Variants in EYA4 observed in about 807,000 individuals in gnomAD.
EYA4 encodes the protein EYA transcriptional coactivator and phosphatase 4.
A neutral mutation model predicts 87.9 loss-of-function variants in EYA4; 31 were observed. The ratio of observed to expected loss-of-function variants is 0.35; its 90% CI spans 0.27 to 0.48. The LOEUF is 0.48. Ranked by LOEUF, EYA4 falls within the 20% of genes least tolerant of loss-of-function variation. The probability of loss-of-function intolerance (pLI) is 0.99; values close to 1 mark genes in which losing one functional copy is unlikely to be tolerated. For missense variants in EYA4, 678 were observed against 761.4 expected (o/e 0.89, Z 1.29); for synonymous variants, 263 against 270.6 (o/e 0.97, Z 0.28).
intron 13 of EYA4, among the ~76,000 whole-genome samples, chr6:133,496,753 C>T (rs1010182825): frequency 8.5e-5 from 13 of 152,118 alleles, no homozygotes; most frequent in Non-Finnish European, 1.5e-4. Context: ...TGACACTACA[C>T]GGTGAAAACT....
At chr6:133,341,557 A>G (rs1198161952) in intron 2 of EYA4, among the ~76,000 whole-genome samples, 1 of 152,236 alleles carries the variant, frequency 6.6e-6, no homozygotes, top group African/African-American at 2.4e-5. Flanking sequence ...GGACTTCCAA[A>G]TAAGAATAGC....
intron 1 of EYA4, among the ~76,000 whole-genome samples, chr6:133,271,407 T>C (rs1776676386): frequency 6.6e-6 from 1 of 152,130 alleles, no homozygotes; most frequent in Non-Finnish European, 1.5e-5. Context: ...GGCAATGCTG[T>C]GTGGAATACC....
At chr6:133,519,778 A>G (rs1799947343) in intron 17 of EYA4, among the ~76,000 whole-genome samples, 3 of 151,210 alleles carry the variant, frequency 2.0e-5, no homozygotes, top group Admixed American at 2.0e-4. Context: ...CCAGCAGCAC[A>G]TCAAAAAGCT....
At chr6:133,255,006 G>A (rs921652638) in intron 1 of EYA4, among the ~76,000 whole-genome samples, 1 of 152,166 alleles carries the variant, frequency 6.6e-6, no homozygotes, top group Non-Finnish European at 1.5e-5. Flanking sequence ...TGTGACTTTG[G>A]TCATGTAATT....
chr6:133,304,425 T>C (rs1258330012), intron 2 of EYA4, among the ~76,000 whole-genome samples: 2 of 152,120 alleles, frequency 1.3e-5, no homozygotes, highest in Non-Finnish European at 2.9e-5. Flanking sequence ...GAAATATGCA[T>C]ATAGGCAAGC....
chr6:133,486,854 T>A lies in EYA4; in HGVS notation c.1191+3739T>A, dbSNP rs557154845. Among the ~76,000 whole-genome samples the A allele has an allele frequency of 2.0e-5, 3 of 152,290 alleles. No homozygotes were observed. In the South Asian group the frequency reaches 6.2e-4, roughly 32 times the overall value. On this transcript the variant is annotated intron_variant, in intron 13 of 19. Transcript: ENST00000355286. ...TTGGCAAAATAGAAACCTCCACTGA[T>A]TGTCCTCCCTGCAGCAACACCAAAT...
Position 133,529,465 on chromosome 6 carries a change from G to T in EYA4, c.*660G>T. The stretch of plus-strand genomic sequence containing the variant: ...TCATACTGATGTGTTGTGCCTTAAA[G>T]ACAAGACAGCATTTGTGTGTTACAA... On this transcript the variant is annotated 3_prime_UTR_variant, in exon 20 of 20. Coordinates refer to ENST00000355286, the MANE Select transcript of EYA4 (RefSeq NM_004100.5). 1 of 982,380 alleles carries T rather than the reference G, an allele frequency of 1.0e-6. No homozygotes were observed. Among genetic ancestry groups the T allele is most frequent in the Non-Finnish European group, 1.2e-6 (1 of 829,804 alleles). The allele number at this position is 982,380 out of a possible 1,614,324, so 60.9% of individuals were successfully genotyped here.
At chr6:133,269,168 A>G (rs1351410573) in intron 1 of EYA4, among the ~76,000 whole-genome samples, 2 of 152,188 alleles carry the variant, frequency 1.3e-5, no homozygotes, top group South Asian at 2.1e-4. Flanking sequence ...CTGAGTCACA[A>G]CAGTCACTTG....
intron 11 of EYA4, among the ~76,000 whole-genome samples, chr6:133,475,498 C>T (rs1288736354): frequency 6.6e-6 from 1 of 152,042 alleles, no homozygotes; most frequent in East Asian, 1.9e-4. Context: ...AAGATCATTT[C>T]ACTCTCTGAA....
Position 133,315,216 on chromosome 6 carries a change from G to C in EYA4, c.33+40403G>C, listed in dbSNP as rs1780533130. Among the ~76,000 whole-genome samples, 3 of 152,226 alleles carry C rather than the reference G, an allele frequency of 2.0e-5. No individual in the cohort carries two copies. The South Asian group carries it at 6.2e-4, about 32-fold the overall frequency. ...CACTCTTGGCCTGCACAGCTGTGTAGTCAGGGGAGGCTGCAGATATTATTC... is the reference window on the plus strand; with the variant it reads ...CACTCTTGGCCTGCACAGCTGTGTACTCAGGGGAGGCTGCAGATATTATTC... On this transcript the variant is annotated intron_variant, in intron 2 of 19. Transcript: ENST00000355286.
At chr6:133,357,964 C>G (rs1424104513) in intron 2 of EYA4, among the ~76,000 whole-genome samples, 1 of 151,802 alleles carries the variant, frequency 6.6e-6, no homozygotes, top group Non-Finnish European at 1.5e-5. Flanking sequence ...TTATCTATAT[C>G]TGTTTAGGCC....
At chr6:133,311,440 C>G (rs1237267327) in intron 2 of EYA4, among the ~76,000 whole-genome samples, 1 of 152,116 alleles carries the variant, frequency 6.6e-6, no homozygotes, top group Admixed American at 6.6e-5. Flanking sequence ...ATCCTCCCAC[C>G]TCAGCCTCCC....
intron 3 of EYA4, among the ~76,000 whole-genome samples, chr6:133,388,930 C>T (rs965347422): frequency 6.6e-6 from 1 of 152,118 alleles, no homozygotes; most frequent in African/African-American, 2.4e-5. Context: ...CATGCTCCGC[C>T]CACGTCCTTC....
chr6:133,490,411 C>T (rs547433668), intron 13 of EYA4, among the ~76,000 whole-genome samples: 8 of 146,122 alleles, frequency 5.5e-5, no homozygotes, highest in South Asian at 2.2e-4. Flanking sequence ...AACAAAAAAC[C>T]GTGACCCAGC....
chr6:133,363,393 C>G (rs1157053893), intron 2 of EYA4: 1 of 152,184 alleles, frequency 6.6e-6, no homozygotes, highest in Non-Finnish European at 1.5e-5. Flanking sequence ...GGACTCACAG[C>G]TCTGACGTTG....
intron 2 of EYA4, among the ~76,000 whole-genome samples, chr6:133,291,655 G>T (rs957232570): frequency 2.0e-5 from 3 of 152,136 alleles, no homozygotes; most frequent in African/African-American, 4.8e-5. Context: ...TCAGTTTTAG[G>T]AGCGTTTTCA....
chr6:133,403,790 C>T (rs946165874), intron 3 of EYA4, among the ~76,000 whole-genome samples: 22 of 152,010 alleles, frequency 1.4e-4, no homozygotes, highest in African/African-American at 4.8e-4. Context: ...CTTTTCCTGT[C>T]ATGTTTTTTG....
At chr6:133,310,320 A>G (rs77522425) in intron 2 of EYA4, among the ~76,000 whole-genome samples, 1,800 of 152,238 alleles carry the variant, frequency 0.012, 13 homozygotes, top group Non-Finnish European at 0.018. Flanking sequence ...TTCACTATCT[A>G]TATGATTATT....
chr6:133,451,019 A>G (rs1209350803), intron 5 of EYA4, among the ~76,000 whole-genome samples: 1 of 152,248 alleles, frequency 6.6e-6, no homozygotes, highest in Non-Finnish European at 1.5e-5. Context: ...ATTAAAGTGT[A>G]AAATATAGAG....
Sources: gnomAD v4.1 joint callset for allele counts (sites outside exome capture counted in the v4.1 genomes callset) on GRCh38, gnomAD v4.1.1 for gene constraint, MANE v1.5 for transcripts, NCBI Gene and HGNC (gene_info 2026-07-23, HGNC 2026-07-21) for gene names.